Variants in ASS1 observed in about 807,000 individuals in gnomAD.
The protein encoded by ASS1 is argininosuccinate synthase 1.
A neutral mutation model predicts 60.5 loss-of-function variants in ASS1; 58 were observed. The observed-to-expected ratio is 0.96, with a 90% CI of 0.78 to 1.19. ASS1 has a LOEUF of 1.19. Among genes scored for constraint, ASS1 ranks in the 50% most tolerant of loss-of-function variants. The pLI is 0.00. For missense variants in ASS1, 454 were observed against 547.3 expected (o/e 0.83, Z 1.70); for synonymous variants, 200 against 206.9 (o/e 0.97, Z 0.29).
chr9:130,494,810 C>T lies in ASS1; in HGVS notation c.971-57C>T. 1 of 1,604,812 alleles carries T rather than the reference C, an allele frequency of 6.2e-7. No individual in the cohort carries two copies. Among genetic ancestry groups the T allele is most frequent in the Non-Finnish European group, 8.5e-7 (1 of 1,172,700 alleles). ...CACCCTTCCTGTGCCCCAGGTCTCC[C>T]TGTGTCCTCGCGGTGCAGGAGGCCT... On this transcript the variant is annotated intron_variant, in intron 12 of 14. Transcript: ENST00000352480. The surrounding 1 kb of genome is among the most constrained non-coding windows in gnomAD (Gnocchi z 4.3).
chr9:130,456,716 G>A (rs1845458652), intron 3 of ASS1, among the ~76,000 whole-genome samples: 1 of 152,262 alleles, frequency 6.6e-6, no homozygotes. Context: ...TTGGGAGGCT[G>A]AAGTGGGCAG....
rs1343998994 is a variant in ASS1 at position 130,478,871 on chromosome 9, C to A, written c.689-845C>A. On this transcript the variant is annotated intron_variant, in intron 9 of 14. Coordinates refer to ENST00000352480, the MANE Select transcript of ASS1 (RefSeq NM_054012.4). This position sits in a 1 kb window ranked among gnomAD's most constrained non-coding sequence, Gnocchi z 4.7. ...CCTTGAGTGAAGCCCCTCCAAGCGGCGCCTGGCTAATAAAGCCTCGAAAGC... is the reference window on the plus strand; with the variant it reads ...CCTTGAGTGAAGCCCCTCCAAGCGGAGCCTGGCTAATAAAGCCTCGAAAGC... Among the ~76,000 whole-genome samples the A allele has an allele frequency of 6.6e-6, 1 of 152,154 alleles. No individual in the cohort carries two copies. Among genetic ancestry groups the A allele is most frequent in the East Asian group, 1.9e-4 (1 of 5,186 alleles).
At chr9:130,472,057 C>T (rs1845879712) in intron 8 of ASS1, among the ~76,000 whole-genome samples, 1 of 152,138 alleles carries the variant, frequency 6.6e-6, no homozygotes, top group African/African-American at 2.4e-5. Flanking sequence ...GTTTCTCTCC[C>T]GGGGGTAGGG....
chr9:130,445,289 T>A, intron 1 of ASS1: 1 of 944,546 alleles, frequency 1.1e-6, no homozygotes, highest in Non-Finnish European at 1.3e-6. Flanking sequence ...ATTTGTTCCC[T>A]GCGCAGCCGG....
intron 11 of ASS1, 137 bp downstream of exon 11, chr9:130,480,586 G>A (rs1051664158): frequency 2.6e-4 from 230 of 897,974 alleles, no homozygotes; most frequent in Middle Eastern, 6.3e-4. Context: ...ACCACACCCC[G>A]TGAGACCGCA....
chr9:130,493,966 G>C (rs945922735), intron 12 of ASS1, among the ~76,000 whole-genome samples: 2 of 152,174 alleles, frequency 1.3e-5, no homozygotes, highest in Non-Finnish European at 2.9e-5. Flanking sequence ...TTTATCATAG[G>C]AAGCAGAGTT....
At position 130,458,395 on chromosome 9, in the gene ASS1, C is replaced by T; in HGVS notation, c.175-6C>T. On this transcript the variant is annotated splice_polypyrimidine_tract_variant and splice_region_variant and intron_variant, in intron 3 of 14. Transcript: ENST00000352480. The stretch of plus-strand genomic sequence containing the variant: ...ACTTCTTCCTTCTGGGCTCCTCTTC[C>T]CGTAGGTGTTCATTGAGGATGTCAG... 6.2e-7 allele frequency: 1 copy of T among 1,611,982 alleles called. No homozygotes were observed. The highest frequency in any genetic ancestry group is 8.5e-7 in the Non-Finnish European group (1 of 1,179,854).
chr9:130,467,821 C>T (rs972350154), intron 6 of ASS1, among the ~76,000 whole-genome samples: 8 of 152,170 alleles, frequency 5.3e-5, no homozygotes, highest in Admixed American at 5.2e-4. Context: ...CAGCTCTACC[C>T]TCACGCCTCG....
chr9:130,447,886 C>G (rs373866905), intron 1 of ASS1, among the ~76,000 whole-genome samples: 1 of 152,146 alleles, frequency 6.6e-6, no homozygotes, highest in African/African-American at 2.4e-5. Flanking sequence ...ATGCTTGGTG[C>G]CCAGCTCTGG....
chr9:130,470,164 G>A lies in ASS1; in HGVS notation c.496-670G>A, dbSNP rs1378428782. 6.6e-6 allele frequency among the ~76,000 whole-genome samples: 1 copy of A among 152,204 alleles called. No homozygotes were observed. Among genetic ancestry groups the A allele is most frequent in the African/African-American group, 2.4e-5 (1 of 41,452 alleles). On this transcript the variant is annotated intron_variant, in intron 6 of 14. Coordinates refer to ENST00000352480, the MANE Select transcript of ASS1 (RefSeq NM_054012.4). The surrounding 1 kb of genome is among the most constrained non-coding windows in gnomAD (Gnocchi z 4.3). ...CAGGTGGGCCTTCCATGCGTGACCT[G>A]CAGCCCTCTTAGCCTGGGCCTCCTG...
In ASS1 at chr9:130,452,884, A is replaced by G. The variant is rs1845357960; in HGVS notation, c.105+551A>G. Among the ~76,000 whole-genome samples the G allele has an allele frequency of 6.6e-5, 10 of 152,336 alleles. No individual in the cohort carries two copies. In the South Asian group the frequency reaches 2.1e-3, roughly 32 times the overall value. On this transcript the variant is annotated intron_variant, in intron 2 of 14. Coordinates refer to ENST00000352480, the MANE Select transcript of ASS1 (RefSeq NM_054012.4). ...AGCTCCTCTTCGACTGAACCTGGCC[A>G]CAGCTCTGAGTCCTTCTCTGTGTGG...
chr9:130,495,500 C>CACACACACAT (rs57531289), intron 13 of ASS1, among the ~76,000 whole-genome samples: 78 of 148,358 alleles, frequency 5.3e-4, no homozygotes, highest in African/African-American at 1.4e-3. Flanking sequence ...CACACACACA[C>CACACACACAT]ATATATATAT....
At chr9:130,499,004 G>A (rs897929764) in intron 13 of ASS1, among the ~76,000 whole-genome samples, 2 of 152,186 alleles carry the variant, frequency 1.3e-5, no homozygotes, top group African/African-American at 2.4e-5. Flanking sequence ...GACACATGAG[G>A]GGAAAGGTGA....
rs909088201 is a variant in ASS1 at position 130,470,271 on chromosome 9, C to T, written c.496-563C>T. Reference sequence around the variant, plus strand: ...GAGCCAGAGCCGAGTGCCTTGGAGACGGGATCTGCTGGGTGTTCCCCTTCT... The same window carrying T: ...GAGCCAGAGCCGAGTGCCTTGGAGATGGGATCTGCTGGGTGTTCCCCTTCT... On this transcript the variant is annotated intron_variant, in intron 6 of 14. Transcript: ENST00000352480. This position sits in a 1 kb window ranked among gnomAD's most constrained non-coding sequence, Gnocchi z 4.3. Among the ~76,000 whole-genome samples, 13 of 152,174 alleles carry T rather than the reference C, an allele frequency of 8.5e-5. No homozygotes were observed. Among genetic ancestry groups the T allele is most frequent in the Non-Finnish European group, 1.8e-4 (12 of 68,030 alleles).
At chr9:130,451,624 G>A (rs1446494006) in intron 1 of ASS1, 1 of 354,430 alleles carries the variant, frequency 2.8e-6, no homozygotes, top group African/African-American at 2.1e-5. Context: ...ACTGCGTGCT[G>A]GGGAAGCACA....
At chr9:130,493,817 G>A (rs1444021567) in intron 12 of ASS1, among the ~76,000 whole-genome samples, 2 of 152,224 alleles carry the variant, frequency 1.3e-5, no homozygotes, top group East Asian at 1.9e-4. Flanking sequence ...GAGAGAGGCC[G>A]GGGGCAGACT....
chr9:130,460,102 C>T (rs555157530), intron 4 of ASS1, among the ~76,000 whole-genome samples: 6 of 152,330 alleles, frequency 3.9e-5, no homozygotes, highest in South Asian at 2.1e-4. Flanking sequence ...TCCCCAGTGA[C>T]GGGGAGCTCA....
At chr9:130,465,390 G>A (rs1845712530) in intron 5 of ASS1, among the ~76,000 whole-genome samples, 1 of 152,210 alleles carries the variant, frequency 6.6e-6, no homozygotes, top group South Asian at 2.1e-4. Flanking sequence ...TACCGAAACC[G>A]ATATATCCAA....
rs1564163233 is a variant in ASS1, at chr9:130,495,036, CACCTCATTCTG to C, written c.1127+17_1127+27del. 6.2e-7 allele frequency: 1 copy of C among 1,604,748 alleles called. No individual in the cohort carries two copies. The highest frequency in any genetic ancestry group is 8.5e-7 in the Non-Finnish European group (1 of 1,176,326). On this transcript the variant is annotated intron_variant, in intron 13 of 14. Coordinates refer to ENST00000352480, the MANE Select transcript of ASS1 (RefSeq NM_054012.4). ...AGGAGCTGGTGAGGTAGGTGCCCCA[CACCTCATTCTG>C]ACCCCCACTTGGGCACAGAGCCTAT... is the stretch of plus-strand genomic sequence containing the variant.
Sources: gnomAD v4.1 joint callset for allele counts (sites outside exome capture counted in the v4.1 genomes callset) on GRCh38, gnomAD v4.1.1 for gene constraint, Gnocchi (gnomAD v3.1) non-coding constraint, MANE v1.5 for transcripts, NCBI Gene and HGNC (gene_info 2026-07-23, HGNC 2026-07-21) for gene names.